Variants in PDE1C observed in about 807,000 individuals in gnomAD.
PDE1C encodes dual specificity calcium/calmodulin-dependent 3',5'-cyclic nucleotide phosphodiesterase 1C.
In PDE1C, 62 loss-of-function variants were observed where a neutral mutation model predicts 93.1. The observed-to-expected ratio is 0.67, with a 90% CI of 0.54 to 0.82. PDE1C has a LOEUF of 0.82. Among genes scored for constraint, PDE1C ranks in the 40% least tolerant of loss-of-function variants. The pLI is 0.00. For missense variants in PDE1C, 742 were observed against 884.6 expected, an observed-to-expected ratio of 0.84 and a Z score of 2.04; for synonymous variants, 325 against 310.1, an observed-to-expected ratio of 1.05 and a Z score of -0.50.
intron 2 of PDE1C, among the ~76,000 whole-genome samples, chr7:31,991,563 A>G (rs1784142766): frequency 6.6e-6 from 1 of 152,244 alleles, no homozygotes; most frequent in Non-Finnish European, 1.5e-5. Context: ...AAAACAGCAT[A>G]TGCAATGCAC....
At chr7:31,936,848 C>T (rs978912253) in intron 2 of PDE1C, among the ~76,000 whole-genome samples, 3 of 152,170 alleles carry the variant, frequency 2.0e-5, no homozygotes, top group African/African-American at 7.2e-5. Flanking sequence ...CAGCCCACGA[C>T]AGAGCCTCAG....
At chr7:32,356,909 T>C (rs973438521) in intron 1 of PDE1C, among the ~76,000 whole-genome samples, 1 of 152,116 alleles carries the variant, frequency 6.6e-6, no homozygotes, top group Non-Finnish European at 1.5e-5. Context: ...ACAGTGCATG[T>C]GCACCAGATG....
At chr7:31,867,084 G>A (rs892705733) in intron 6 of PDE1C, among the ~76,000 whole-genome samples, 2 of 152,048 alleles carry the variant, frequency 1.3e-5, no homozygotes, top group African/African-American at 4.8e-5. Flanking sequence ...TAACTCTGGA[G>A]CCCCATTGAC....
At chr7:32,135,773 T>C (rs1297462382) in intron 3 of PDE1C, among the ~76,000 whole-genome samples, 1 of 152,208 alleles carries the variant, frequency 6.6e-6, no homozygotes. Context: ...TTCTAGTATA[T>C]ATCCAAAGAA....
Position 31,823,195 on chromosome 7 carries a change from C to A in PDE1C, c.1460G>T (p.Gly487Val), listed in dbSNP as rs1404708041. 3 of 1,612,968 alleles carry A rather than the reference C, an allele frequency of 1.9e-6. No individual in the cohort carries two copies. In the African/African-American group the frequency reaches 4.0e-5, roughly 22 times the overall value. Residue 487 changes from glycine to valine, a missense_variant, in exon 14 of 18, where the codon GGT becomes GTT. Coordinates refer to ENST00000396191, the MANE Select transcript of PDE1C (RefSeq NM_001191057.4). The stretch of plus-strand genomic sequence containing the variant: ...GTTGATCGGGGCACTTCCCTCTGAA[C>A]CAGAGGTCTTGACACCTGATCGCTT... Reference protein sequence around the residue: ...DAKRSGVKTSGSEGSAPINNS... With the variant: ...DAKRSGVKTSVSEGSAPINNS...
intron 7 of PDE1C, among the ~76,000 whole-genome samples, chr7:31,857,181 GCTA>G (rs773193344): frequency 1.3e-5 from 2 of 152,128 alleles, no homozygotes; most frequent in Non-Finnish European, 2.9e-5. Context: ...AGCCCATATA[GCTA>G]CTTTGTAATA....
intron 1 of PDE1C, among the ~76,000 whole-genome samples, chr7:32,229,168 T>C (rs1419219451): frequency 6.6e-6 from 1 of 152,162 alleles, no homozygotes; most frequent in Non-Finnish European, 1.5e-5. Context: ...TCTATATGAG[T>C]CCTGGGCTTT....
At chr7:32,150,642 G>A (rs1056772371) in intron 3 of PDE1C, among the ~76,000 whole-genome samples, 1 of 152,280 alleles carries the variant, frequency 6.6e-6, no homozygotes, top group Non-Finnish European at 1.5e-5. Context: ...CCACTTGAGA[G>A]CTAAGTAAAC....
intron 1 of PDE1C, among the ~76,000 whole-genome samples, chr7:32,317,576 G>A (rs1783202024): frequency 2.0e-5 from 3 of 150,860 alleles, no homozygotes; most frequent in South Asian, 4.2e-4. Flanking sequence ...AGACATGAGA[G>A]AAAGTGATAG....
intron 2 of PDE1C, among the ~76,000 whole-genome samples, chr7:32,185,741 CATTAGTCACATGCGGCA>C (rs1803807708): frequency 6.6e-6 from 1 of 151,978 alleles, no homozygotes; most frequent in Non-Finnish European, 1.5e-5. Flanking sequence ...ACATGATGGC[CATTAGTCACATGCGGCA>C]ATTTAAATTT....
chr7:31,871,797 C>T (rs1245409825), intron 6 of PDE1C, among the ~76,000 whole-genome samples: 2 of 150,952 alleles, frequency 1.3e-5, no homozygotes, highest in African/African-American at 2.4e-5. Flanking sequence ...AAACAGTGTG[C>T]GGATTTCTCA....
At chr7:32,109,416 G>C (rs1323625147) in intron 3 of PDE1C, among the ~76,000 whole-genome samples, 1 of 152,078 alleles carries the variant, frequency 6.6e-6, no homozygotes, top group South Asian at 2.1e-4. Context: ...AAAGCACAGA[G>C]AGCCCATCTA....
intron 1 of PDE1C, among the ~76,000 whole-genome samples, chr7:32,360,779 G>T (rs1241528575): frequency 6.6e-6 from 1 of 152,172 alleles, no homozygotes; most frequent in African/African-American, 2.4e-5. Flanking sequence ...AAGTATATTT[G>T]CTTCTGCTCT....
intron 2 of PDE1C, among the ~76,000 whole-genome samples, chr7:32,191,868 T>G (rs558541108): frequency 6.6e-6 from 1 of 152,310 alleles, no homozygotes; most frequent in African/African-American, 2.4e-5. Flanking sequence ...GCATTTGGAG[T>G]GATCACCATT....
chr7:32,341,173 C>CTATTTTTTATTTTATTTT (rs796122014), intron 1 of PDE1C, among the ~76,000 whole-genome samples: 5 of 84,952 alleles, frequency 5.9e-5, no homozygotes, highest in Non-Finnish European at 1.1e-4. Context: ...GAAATAAAGT[C>CTATTTTTTATTTTATTTT]TTTTTTTTTT....
At chr7:32,089,582 G>GA (rs1232395330) in intron 3 of PDE1C, among the ~76,000 whole-genome samples, 1 of 152,200 alleles carries the variant, frequency 6.6e-6, no homozygotes, top group Non-Finnish European at 1.5e-5. Context: ...TGGCAATGCT[G>GA]AAACAAAAAG....
chr7:31,628,702 C>T, the PDE1C span, among the ~76,000 whole-genome samples: 6 of 152,178 alleles, frequency 3.9e-5, no homozygotes, highest in Non-Finnish European at 5.9e-5. Context: ...GTGATCCGCC[C>T]GCCTCGGCCT....
chr7:31,964,783 A>C (rs1055041449), intron 2 of PDE1C, among the ~76,000 whole-genome samples: 1 of 152,234 alleles, frequency 6.6e-6, no homozygotes, highest in Non-Finnish European at 1.5e-5. Flanking sequence ...ATCAGGCAGC[A>C]GCATTTACAG....
At chr7:31,685,979 C>T in the PDE1C span, among the ~76,000 whole-genome samples, 1 of 152,118 alleles carries the variant, frequency 6.6e-6, no homozygotes, top group Non-Finnish European at 1.5e-5. Flanking sequence ...TGGTTCTAGC[C>T]CTGTTATTTG....
Sources: gnomAD v4.1 joint callset for allele counts (sites outside exome capture counted in the v4.1 genomes callset) on GRCh38, gnomAD v4.1.1 for gene constraint, MANE v1.5 for transcripts, NCBI Gene and HGNC (gene_info 2026-07-23, HGNC 2026-07-21) for gene names.